Variants in PDE5A observed in about 807,000 individuals in gnomAD.
The protein encoded by PDE5A is cGMP-specific 3',5'-cyclic phosphodiesterase.
PDE5A carries 67 observed loss-of-function variants against 110.2 expected under a neutral mutation model. The observed-to-expected ratio is 0.61, with a 90% CI of 0.50 to 0.75. PDE5A has a LOEUF of 0.75. PDE5A is among the 30% of genes least tolerant of loss of function. The pLI is 0.00. For missense variants in PDE5A, 862 were observed against 1,045.1 expected (o/e 0.82, Z 2.42); for synonymous variants, 328 against 351.2 (o/e 0.93, Z 0.74).
intron 3 of PDE5A, among the ~76,000 whole-genome samples, chr4:119,568,210 A>G (rs1553927112): frequency 6.6e-6 from 1 of 151,954 alleles, no homozygotes; most frequent in Non-Finnish European, 1.5e-5. Flanking sequence ...CAATTATCCT[A>G]TACCTTTTCA....
chr4:119,588,175 T>C (rs1248883725), intron 3 of PDE5A, among the ~76,000 whole-genome samples: 1 of 149,968 alleles, frequency 6.7e-6, no homozygotes, highest in Non-Finnish European at 1.5e-5. Context: ...TTTTTCTTTT[T>C]TTTTTTTTTT....
Position 119,628,577 on chromosome 4 carries a change from G to C in PDE5A, c.95C>G (p.Ala32Gly). ...QQQRDQDSVEAWLDDHWDFTF... is the reference protein window; with the variant it reads ...QQQRDQDSVEGWLDDHWDFTF... ...AAAGTCCCAGTGATCGTCCAGCCAT[G>C]CTTCGACCGAGTCCTGATCCCTCTG... The change falls in exon 1 of 21, where the codon GCA becomes GGA. Residue 32 changes from alanine to glycine, a missense_variant. By Grantham distance (60) the Ala-to-Gly change is moderately conservative. Transcript: ENST00000354960. 1.2e-6 allele frequency: 2 copies of C among 1,612,082 alleles called. No homozygotes were observed. Among genetic ancestry groups the C allele is most frequent in the Non-Finnish European group, 1.7e-6 (2 of 1,178,684 alleles).
chr4:119,607,184 G>A lies in PDE5A; in HGVS notation c.266C>T (p.Ala89Val). The change falls in exon 2 of 21, where the codon GCA becomes GTA. Residue 89 changes from alanine to valine, a missense_variant. By Grantham distance (64) the Ala-to-Val change is moderately conservative. Transcript: ENST00000354960. ...CSCPLQQSPR[A>V]DNSAPGTPTR... ...TGGTGTTCCAGGGGCACTGTTATCT[G>A]CACGAGGACTCTGCTGCAAGGGACA... is the stretch of plus-strand genomic sequence containing the variant. 6.2e-7 allele frequency: 1 copy of A among 1,614,094 alleles called. No individual in the cohort carries two copies. The highest frequency in any genetic ancestry group is 8.5e-7 in the Non-Finnish European group (1 of 1,179,970).
chr4:119,566,997 T>C, intron 4 of PDE5A, 76 bp downstream of exon 4: 1 of 977,584 alleles, frequency 1.0e-6, no homozygotes, highest in Non-Finnish European at 1.6e-6. Flanking sequence ...CAGCAACAGC[T>C]AAACCTAGAG....
At chr4:119,590,672 A>G (rs1368691239) in intron 3 of PDE5A, among the ~76,000 whole-genome samples, 1 of 152,240 alleles carries the variant, frequency 6.6e-6, no homozygotes, top group Non-Finnish European at 1.5e-5. Flanking sequence ...TGGTTATAAC[A>G]TTAATGAAAA....
intron 3 of PDE5A, among the ~76,000 whole-genome samples, chr4:119,593,329 A>T (rs1354637024): frequency 6.6e-6 from 1 of 152,226 alleles, no homozygotes; most frequent in Non-Finnish European, 1.5e-5. Flanking sequence ...AATAACTGAA[A>T]TGTTTATCAA....
At chr4:119,508,334 A>G (rs529172436) in intron 15 of PDE5A, among the ~76,000 whole-genome samples, 1 of 152,178 alleles carries the variant, frequency 6.6e-6, no homozygotes, top group East Asian at 1.9e-4. Flanking sequence ...TTCACTATGT[A>G]ACCATTTTTT....
intron 2 of PDE5A, among the ~76,000 whole-genome samples, chr4:119,599,259 C>A (rs1226147868): frequency 6.6e-6 from 1 of 152,032 alleles, no homozygotes; most frequent in Non-Finnish European, 1.5e-5. Context: ...TGTAGTGAAA[C>A]AGACTATGAC....
chr4:119,518,310 T>C (rs934400702), intron 14 of PDE5A, among the ~76,000 whole-genome samples: 1 of 152,316 alleles, frequency 6.6e-6, no homozygotes, highest in Middle Eastern at 3.4e-3. Flanking sequence ...TCACAGTGGC[T>C]CAAACATTTG....
At chr4:119,529,022 A>G (rs1726430512) in intron 11 of PDE5A, among the ~76,000 whole-genome samples, 2 of 152,136 alleles carry the variant, frequency 1.3e-5, no homozygotes, top group African/African-American at 2.4e-5. Flanking sequence ...CTACTGGGTT[A>G]AAGTAGTGGA....
chr4:119,606,716 G>A lies in PDE5A; in HGVS notation c.734C>T (p.Ala245Val), dbSNP rs1729542030. The A allele has an allele frequency of 1.2e-6, 2 of 1,612,176 alleles. No individual in the cohort carries two copies. Among genetic ancestry groups the A allele is most frequent in the African/African-American group, 1.3e-5 (1 of 74,930 alleles). The change falls in exon 2 of 21, where the codon GCA becomes GTA. Residue 245 changes from alanine to valine, a missense_variant. Ala to Val is a moderately conservative substitution (Grantham distance 64). Transcript: ENST00000354960. The part of the protein sequence containing the change: ...ALGEPLNIKD[A>V]YEDPRFNAEV... Reference sequence around the variant, plus strand: ...TCATGCTCCCCTGTTTACCTCATATGCATCTTTGATGTTCAAGGGCTCACC... The same window carrying A: ...TCATGCTCCCCTGTTTACCTCATATACATCTTTGATGTTCAAGGGCTCACC...
intron 1 of PDE5A, among the ~76,000 whole-genome samples, chr4:119,613,974 C>T (rs765087872): frequency 1.9e-4 from 29 of 151,492 alleles, no homozygotes; most frequent in Admixed American, 1.8e-3. Flanking sequence ...GAAGGCACTC[C>T]GTAACATCTA....
intron 2 of PDE5A, among the ~76,000 whole-genome samples, chr4:119,605,248 C>G (rs1729486618): frequency 1.3e-5 from 2 of 152,204 alleles, no homozygotes; most frequent in Admixed American, 1.3e-4. Flanking sequence ...ACTTGCCTAT[C>G]TCTTCTAACT....
intron 11 of PDE5A, among the ~76,000 whole-genome samples, chr4:119,531,558 T>G (rs925570889): frequency 1.3e-5 from 2 of 152,142 alleles, no homozygotes; most frequent in Non-Finnish European, 2.9e-5. Context: ...ATTACAGGTG[T>G]GAGCCACCAC....
Position 119,553,624 on chromosome 4 carries a change from ATTGGG to A in PDE5A, c.1308+9_1308+13del. On this transcript the variant is annotated intron_variant, in intron 8 of 20. Transcript: ENST00000354960. ...ACAGCCTTCTAGCTTCAAGTCTAAA[ATTGGG>A]TTACTTACTGTCCAGGGAAATCTTT... 1 of 1,281,466 alleles carries A rather than the reference ATTGGG, an allele frequency of 7.8e-7. No individual in the cohort carries two copies. The allele number at this position is 1,281,466 out of a possible 1,614,324, so 79.4% of individuals were successfully genotyped here. A position where few individuals can be genotyped will look rare whatever the true frequency, so the allele number is the denominator to read the frequency against.
chr4:119,531,958 ATGT>A (rs1464745198), intron 11 of PDE5A, among the ~76,000 whole-genome samples: 8 of 152,122 alleles, frequency 5.3e-5, no homozygotes, highest in Admixed American at 5.2e-4. Context: ...GACAATGAAA[ATGT>A]TATCTCAGTG....
chr4:119,498,587 A>G lies in PDE5A; in HGVS notation c.*14T>C, dbSNP rs748047734. On this transcript the variant is annotated 3_prime_UTR_variant, in exon 21 of 21. Coordinates refer to ENST00000354960, the MANE Select transcript of PDE5A (RefSeq NM_001083.4). ...CCATCTCTGTAAACTTCAACTCTGC[A>G]TGAAATAGGCCACTCAGTTCCGCTT... 9 of 1,613,884 alleles carry G rather than the reference A, an allele frequency of 5.6e-6. No individual in the cohort carries two copies. Among genetic ancestry groups the G allele is most frequent in the Non-Finnish European group, 2.5e-6 (3 of 1,179,852 alleles).
chr4:119,555,721 T>C (rs551970819), intron 7 of PDE5A, among the ~76,000 whole-genome samples: 1 of 152,262 alleles, frequency 6.6e-6, no homozygotes, highest in East Asian at 1.9e-4. Flanking sequence ...AAGCAATTTG[T>C]CAGAGTTCAT....
intron 3 of PDE5A, among the ~76,000 whole-genome samples, chr4:119,576,298 G>T (rs1245920349): frequency 1.3e-5 from 2 of 152,120 alleles, no homozygotes; most frequent in East Asian, 3.9e-4. Flanking sequence ...AGTTAACAAG[G>T]ATATCCAGGA....
Sources: gnomAD v4.1 joint callset for allele counts (sites outside exome capture counted in the v4.1 genomes callset) on GRCh38, gnomAD v4.1.1 for gene constraint, MANE v1.5 for transcripts, NCBI Gene and HGNC (gene_info 2026-07-23, HGNC 2026-07-21) for gene names.